The following PHC2 variants were observed in gnomAD, a reference collection of about 807,000 sequenced individuals.
PHC2 encodes polyhomeotic-like protein 2.
In PHC2, 29 loss-of-function variants were observed where a neutral mutation model predicts 87.4. That is an observed-to-expected ratio of 0.33 (90% confidence interval 0.25 to 0.45). The LOEUF is 0.45. Among genes scored for constraint, PHC2 ranks in the 20% least tolerant of loss-of-function variants. The probability of loss-of-function intolerance (pLI) is 1.00; values close to 1 mark genes in which losing one functional copy is unlikely to be tolerated. For missense variants in PHC2, 857 were observed against 1,136.7 expected, an observed-to-expected ratio of 0.75 and a Z score of 3.54; for synonymous variants, 438 against 461.7, an observed-to-expected ratio of 0.95 and a Z score of 0.66.
At chr1:33,373,593 C>T (rs917039637) in intron 2 of PHC2, among the ~76,000 whole-genome samples, 10 of 152,156 alleles carry the variant, frequency 6.6e-5, no homozygotes, top group Non-Finnish European at 8.8e-5. Context: ...CAAAGAACAG[C>T]GAGTGCCTTT....
chr1:33,424,746 CTA>C (rs1428627170), intron 1 of PHC2, among the ~76,000 whole-genome samples: 1 of 152,056 alleles, frequency 6.6e-6, no homozygotes, highest in Non-Finnish European at 1.5e-5. Flanking sequence ...GGCATCTGGC[CTA>C]TATTATTAGT....
In PHC2 at chr1:33,400,846, T is replaced by G. The variant is rs1310012842; in HGVS notation, c.-54-25253A>C. Among the ~76,000 whole-genome samples the G allele has an allele frequency of 2.0e-5, 3 of 152,170 alleles. No homozygotes were observed. In the East Asian group the frequency reaches 5.8e-4, roughly 29 times the overall value. On this transcript the variant is annotated intron_variant, in intron 1 of 14. Transcript: ENST00000683057. ...ATATTATTAACTGAAAAGATCCATG[T>G]TGGAATAATGTGCTTCAGATAGCTG... is the stretch of plus-strand genomic sequence containing the variant.
intron 9 of PHC2, among the ~76,000 whole-genome samples, chr1:33,339,789 A>G (rs182009996): frequency 1.5e-4 from 23 of 152,324 alleles, no homozygotes; most frequent in Admixed American, 5.9e-4. Flanking sequence ...CTGGGACCAG[A>G]AGTGTTTTTA....
At chr1:33,345,967 T>A (rs1024204064) in intron 9 of PHC2, 1 of 984,480 alleles carries the variant, frequency 1.0e-6, no homozygotes, top group African/African-American at 1.7e-5. Context: ...AATAGGCAAC[T>A]TTTTTTAAAA....
intron 1 of PHC2, among the ~76,000 whole-genome samples, chr1:33,416,362 T>C (rs1480372105): frequency 6.6e-6 from 1 of 150,974 alleles, no homozygotes; most frequent in Non-Finnish European, 1.5e-5. Context: ...GGTCAGGAGA[T>C]TGAGACCTTC....
rs1646910874 is a variant in PHC2 at position 33,349,321 on chromosome 1, G to A, written c.1558+5080C>T. On this transcript the variant is annotated intron_variant, in intron 9 of 14. Coordinates refer to ENST00000683057, the MANE Select transcript of PHC2 (RefSeq NM_001385109.1). The surrounding 1 kb of genome is among the most constrained non-coding windows in gnomAD (Gnocchi z 4.2). ...AGGCCGGTCCTAGGTTGGGGCTGGG[G>A]TGGGGTGTGCGGGGCCTGGGGACGC... The A allele has an allele frequency of 1.0e-6, 1 of 985,270 alleles. No individual in the cohort carries two copies. The highest frequency in any genetic ancestry group is 1.2e-6 in the Non-Finnish European group (1 of 829,918). 61.0% of individuals were successfully genotyped at this position (985,270 alleles called of 1,614,324 possible).
At chr1:33,347,074 G>A (rs1208773910) in intron 9 of PHC2, 1 of 985,546 alleles carries the variant, frequency 1.0e-6, no homozygotes. Flanking sequence ...AAGTATCTGA[G>A]ACAGGAAATG....
intron 1 of PHC2, among the ~76,000 whole-genome samples, chr1:33,385,038 G>A (rs1347030384): frequency 6.6e-6 from 1 of 152,144 alleles, no homozygotes; most frequent in Non-Finnish European, 1.5e-5. Context: ...AAATTTGTGG[G>A]TCCAGATGGC....
At position 33,328,945 on chromosome 1, in the gene PHC2, C is replaced by T. The variant is rs757449007; in HGVS notation, c.2350G>A (p.Gly784Arg). ...GGCTCACTTGGCAGGAAGTGGTGTC[C>T]CATGCCCACCAGGTCCCGCATATGC... ...DMHMRDLVGMGHHFLPSEPTK... is the reference protein window; with the variant it reads ...DMHMRDLVGMRHHFLPSEPTK... Residue 784 changes from glycine to arginine, a missense_variant, in exon 14 of 15, where the codon GGA becomes AGA. By Grantham distance (125) the Gly-to-Arg change is moderately radical. Transcript: ENST00000683057. 6.2e-7 allele frequency: 1 copy of T among 1,614,188 alleles called. No individual in the cohort carries two copies. The highest frequency in any genetic ancestry group is 8.5e-7 in the Non-Finnish European group (1 of 1,180,002).
intron 1 of PHC2, among the ~76,000 whole-genome samples, chr1:33,428,040 C>A (rs1322946768): frequency 6.6e-6 from 1 of 152,140 alleles, no homozygotes; most frequent in Non-Finnish European, 1.5e-5. Context: ...TAATACCACG[C>A]ATTAAGCATC....
At chr1:33,392,150 T>C (rs1649086181) in intron 1 of PHC2, among the ~76,000 whole-genome samples, 1 of 142,728 alleles carries the variant, frequency 7.0e-6, no homozygotes, top group Admixed American at 6.8e-5. Flanking sequence ...GTGCTTCAGC[T>C]GTGTGCACAC....
chr1:33,349,666 CG>C lies in PHC2; in HGVS notation c.1558+4734del. On this transcript the variant is annotated intron_variant, in intron 9 of 14. Transcript: ENST00000683057. This position sits in a 1 kb window ranked among gnomAD's most constrained non-coding sequence, Gnocchi z 4.2. ...CCCCTCGGCCGGGCGCCGACTCGCG[CG>C]GGGTCCCGGGCCCGGGCGGGCCGCC... 1.0e-6 allele frequency: 1 copy of C among 982,864 alleles called. No homozygotes were observed. The highest frequency in any genetic ancestry group is 1.2e-6 in the Non-Finnish European group (1 of 829,444). 60.9% of individuals were successfully genotyped at this position (982,864 alleles called of 1,614,324 possible).
Position 33,370,734 on chromosome 1 carries a change from C to T in PHC2, c.412-149G>A, listed in dbSNP as rs2148325486. 4 of 790,986 alleles carry T rather than the reference C, an allele frequency of 5.1e-6. No individual in the cohort carries two copies. The East Asian group carries it at 1.1e-4, about 21-fold the overall frequency. 49.0% of individuals were successfully genotyped at this position (790,986 alleles called of 1,614,324 possible). ...TGTGGTCCTTGGCTTTGGAGCAATC[C>T]CCCAGCCCTGTCCCATCTCTGACCT... On this transcript the variant is annotated intron_variant, in intron 4 of 14. Coordinates refer to ENST00000683057, the MANE Select transcript of PHC2 (RefSeq NM_001385109.1).
chr1:33,390,223 G>A (rs1051531569), intron 1 of PHC2, among the ~76,000 whole-genome samples: 19 of 152,124 alleles, frequency 1.2e-4, no homozygotes, highest in African/African-American at 4.3e-4. Flanking sequence ...ATATAATTCT[G>A]TGAAAACTTT....
intron 2 of PHC2, 148 bp downstream of exon 2, chr1:33,375,218 T>C: frequency 3.2e-6 from 2 of 628,352 alleles, no homozygotes; most frequent in South Asian, 3.2e-5. Context: ...CCTGTAACTA[T>C]ACACAAATGT....
In PHC2 at chr1:33,370,504, C is replaced by T. The variant is rs767748794; in HGVS notation, c.493G>A (p.Ala165Thr). The change falls in exon 5 of 15, where the codon GCT becomes ACT. Residue 165 changes from alanine to threonine, a missense_variant. Coordinates refer to ENST00000683057, the MANE Select transcript of PHC2 (RefSeq NM_001385109.1). ...SVNSAAASGI[A>T]QQAVLLGNTS... ...TTGCCCAAGAGCACAGCCTGCTGAGCGATGCCTGAGGCTGCTGCAGAGTTC... is the reference window on the plus strand; with the variant it reads ...TTGCCCAAGAGCACAGCCTGCTGAGTGATGCCTGAGGCTGCTGCAGAGTTC... The T allele has an allele frequency of 1.9e-5, 31 of 1,613,966 alleles. No individual in the cohort carries two copies. The East Asian group carries it at 3.3e-4, about 17-fold the overall frequency.
intron 9 of PHC2, chr1:33,353,102 C>G (rs1008856778): frequency 6.6e-6 from 1 of 152,086 alleles, no homozygotes; most frequent in African/African-American, 2.4e-5. Flanking sequence ...GGGGACCAAA[C>G]GTTAGGAAAA....
rs1357723708 is a variant in PHC2, at chr1:33,354,954, G to A, written c.1276C>T (p.Pro426Ser). Residue 426 changes from proline to serine, a missense_variant, in exon 8 of 15, where the codon CCC (proline) becomes TCC (serine). Transcript: ENST00000683057. ...TTCTGAGGCCCAGTATCAGGTGTGGGAGGGTGACACTGCTGACTGCCGCCA... is the reference window on the plus strand; with the variant it reads ...TTCTGAGGCCCAGTATCAGGTGTGGAAGGGTGACACTGCTGACTGCCGCCA... The part of the protein sequence containing the change: ...KPGGSQQCHP[P>S]TPDTGPQNGH... 1 of 1,614,232 alleles carries A rather than the reference G, an allele frequency of 6.2e-7. No homozygotes were observed. The highest frequency in any genetic ancestry group is 8.5e-7 in the Non-Finnish European group (1 of 1,180,050).
chr1:33,427,288 A>G (rs1483363888), intron 1 of PHC2, among the ~76,000 whole-genome samples: 1 of 152,244 alleles, frequency 6.6e-6, no homozygotes, highest in Admixed American at 6.5e-5. Flanking sequence ...ATTACTGTTC[A>G]GTGAAACATT....
Sources: gnomAD v4.1 joint callset for allele counts (sites outside exome capture counted in the v4.1 genomes callset) on GRCh38, gnomAD v4.1.1 for gene constraint, Gnocchi (gnomAD v3.1) non-coding constraint, MANE v1.5 for transcripts, NCBI Gene and HGNC (gene_info 2026-07-23, HGNC 2026-07-21) for gene names.